The following SGCZ variants were observed in gnomAD, a reference collection of about 807,000 sequenced individuals.
The protein encoded by SGCZ is zeta-sarcoglycan.
A neutral mutation model predicts 41.3 loss-of-function variants in SGCZ; 40 were observed. The ratio of observed to expected loss-of-function variants is 0.97; its 90% CI spans 0.75 to 1.26. The LOEUF (loss-of-function observed/expected upper bound fraction) is 1.26. SGCZ is among the 50% of genes most tolerant of loss of function. SGCZ has a pLI of 0.00. For missense variants in SGCZ, 552 were observed against 369.8 expected (o/e 1.49, Z -4.04); for synonymous variants, 206 against 137.5 (o/e 1.50, Z -3.49).
chr8:14,804,423 G>A (rs976563790), intron 1 of SGCZ, among the ~76,000 whole-genome samples: 6 of 139,152 alleles, frequency 4.3e-5, no homozygotes, highest in Non-Finnish European at 7.8e-5. Flanking sequence ...CGAGAACTCC[G>A]TGAAGAACGC....
At chr8:14,586,765 T>C (rs562094099) in intron 1 of SGCZ, among the ~76,000 whole-genome samples, 4 of 152,248 alleles carry the variant, frequency 2.6e-5, no homozygotes, top group Non-Finnish European at 4.4e-5. Context: ...AATATCTACG[T>C]TTTAAGCATT....
chr8:15,186,880 A>G (rs1322628682), intron 1 of SGCZ, among the ~76,000 whole-genome samples: 2 of 152,136 alleles, frequency 1.3e-5, no homozygotes, highest in Admixed American at 1.3e-4. Flanking sequence ...AGCAGATCTT[A>G]TTGGCTTTAT....
At chr8:14,952,747 T>C (rs994428060) in intron 1 of SGCZ, among the ~76,000 whole-genome samples, 1 of 152,168 alleles carries the variant, frequency 6.6e-6, no homozygotes, top group African/African-American at 2.4e-5. Flanking sequence ...TCTTGAACTC[T>C]AAACTTCCAA....
chr8:14,797,311 G>A (rs1801167757), intron 1 of SGCZ, among the ~76,000 whole-genome samples: 1 of 152,118 alleles, frequency 6.6e-6, no homozygotes, highest in Non-Finnish European at 1.5e-5. Context: ...TGCTGACAGT[G>A]ATATGGACAA....
intron 1 of SGCZ, among the ~76,000 whole-genome samples, chr8:14,707,040 T>C (rs1048326235): frequency 6.6e-6 from 1 of 151,774 alleles, no homozygotes; most frequent in Non-Finnish European, 1.5e-5. Flanking sequence ...TTTTAAAATT[T>C]TATTATTATT....
At chr8:14,499,054 C>A (rs942359081) in intron 2 of SGCZ, among the ~76,000 whole-genome samples, 1 of 151,880 alleles carries the variant, frequency 6.6e-6, no homozygotes, top group Non-Finnish European at 1.5e-5. Flanking sequence ...TTGATCTTCT[C>A]CATTTAATAT....
chr8:14,454,980 T>C (rs1800701190), intron 2 of SGCZ, among the ~76,000 whole-genome samples: 2 of 152,212 alleles, frequency 1.3e-5, no homozygotes, highest in Non-Finnish European at 2.9e-5. Context: ...AAAGTATTCC[T>C]ACGGATAACT....
At chr8:14,849,068 T>G (rs1202503302) in intron 1 of SGCZ, among the ~76,000 whole-genome samples, 2 of 152,006 alleles carry the variant, frequency 1.3e-5, no homozygotes, top group African/African-American at 4.8e-5. Flanking sequence ...AAAATAAACG[T>G]GAGGAAAGAT....
chr8:14,189,448 G>C (rs1490319480), intron 4 of SGCZ, among the ~76,000 whole-genome samples: 1 of 152,072 alleles, frequency 6.6e-6, no homozygotes, highest in Non-Finnish European at 1.5e-5. Flanking sequence ...CTCAATCTCT[G>C]CTTTATTCCC....
At chr8:14,957,249 C>T (rs1800821662) in intron 1 of SGCZ, among the ~76,000 whole-genome samples, 1 of 152,032 alleles carries the variant, frequency 6.6e-6, no homozygotes, top group South Asian at 2.1e-4. Flanking sequence ...TATGTATTAA[C>T]ATATGCATCC....
chr8:14,501,232 A>G (rs973595901), intron 2 of SGCZ, among the ~76,000 whole-genome samples: 5 of 151,664 alleles, frequency 3.3e-5, no homozygotes, highest in Admixed American at 6.6e-5. Context: ...TCTACCTATT[A>G]ACATCCTTAT....
At chr8:15,108,978 G>A (rs996433023) in intron 1 of SGCZ, among the ~76,000 whole-genome samples, 3 of 151,890 alleles carry the variant, frequency 2.0e-5, no homozygotes, top group Non-Finnish European at 4.4e-5. Flanking sequence ...AATGAAATTG[G>A]GTTTCAATTT....
intron 1 of SGCZ, among the ~76,000 whole-genome samples, chr8:14,769,820 G>C (rs2255896): frequency 0.013 from 1,076 of 83,986 alleles, 28 homozygotes; most frequent in African/African-American, 0.097. Flanking sequence ...AAAAAACCCA[G>C]CAACAAAATA....
chr8:15,097,616 G>T (rs1376645302), intron 1 of SGCZ, among the ~76,000 whole-genome samples: 1 of 151,190 alleles, frequency 6.6e-6, no homozygotes, highest in Non-Finnish European at 1.5e-5. Context: ...AATCAGTCGG[G>T]GCAATGTTGA....
At chr8:15,110,416 C>G (rs758802885) in intron 1 of SGCZ, among the ~76,000 whole-genome samples, 1 of 152,122 alleles carries the variant, frequency 6.6e-6, no homozygotes, top group Non-Finnish European at 1.5e-5. Flanking sequence ...ATAGGCTGAC[C>G]CAGCTGAATG....
chr8:14,909,536 A>G lies in SGCZ; in HGVS notation c.39+328049T>C, dbSNP rs185122621. ...TCTGTGCTAACCATTCCCAAGTCTT[A>G]TATTACGTCATACTATTTTTTAGTA... On this transcript the variant is annotated intron_variant, in intron 1 of 7. Transcript: ENST00000382080. 2.0e-5 allele frequency among the ~76,000 whole-genome samples: 3 copies of G among 152,248 alleles called. No homozygotes were observed. In the East Asian group the frequency reaches 5.8e-4, roughly 29 times the overall value.
At chr8:14,253,395 A>G (rs1799354452) in intron 3 of SGCZ, among the ~76,000 whole-genome samples, 1 of 152,090 alleles carries the variant, frequency 6.6e-6, no homozygotes, top group Non-Finnish European at 1.5e-5. Context: ...TACTTGTACT[A>G]TTTGTACAAG....
chr8:14,995,324 A>G (rs1217905832), intron 1 of SGCZ, among the ~76,000 whole-genome samples: 1 of 152,272 alleles, frequency 6.6e-6, no homozygotes, highest in African/African-American at 2.4e-5. Flanking sequence ...ACCTGATCAA[A>G]GATGACGGTG....
chr8:14,331,401 G>C lies in SGCZ; in HGVS notation c.235-7197C>G, dbSNP rs190483665. 4.6e-5 allele frequency among the ~76,000 whole-genome samples: 7 copies of C among 152,106 alleles called. No homozygotes were observed. The East Asian group carries it at 1.4e-3, about 29-fold the overall frequency. On this transcript the variant is annotated intron_variant, in intron 2 of 7. Transcript: ENST00000382080. ...TGTGTTTTTTAATACTTTATACTGA[G>C]CTGTTTTTCCCCAAGCATAAAAGAA... is the stretch of plus-strand genomic sequence containing the variant.
Sources: gnomAD v4.1 joint callset for allele counts (sites outside exome capture counted in the v4.1 genomes callset) on GRCh38, gnomAD v4.1.1 for gene constraint, MANE v1.5 for transcripts, NCBI Gene and HGNC (gene_info 2026-07-23, HGNC 2026-07-21) for gene names.